The following IQSEC1 variants were observed in gnomAD, a reference collection of about 807,000 sequenced individuals.
IQSEC1 encodes IQ motif and SEC7 domain-containing protein 1.
A neutral mutation model predicts 91.0 loss-of-function variants in IQSEC1; 31 were observed. The ratio of observed to expected loss-of-function variants is 0.34; its 90% CI spans 0.26 to 0.46. The LOEUF is 0.46. IQSEC1 is among the 20% of genes least tolerant of loss of function. The pLI, the probability that IQSEC1 is intolerant of heterozygous loss-of-function variation, is 1.00. For synonymous variants in IQSEC1, 699 were observed against 662.6 expected (o/e 1.05, Z -0.84); for missense variants, 1,388 against 1,575.6 (o/e 0.88, Z 2.02).
In IQSEC1 at chr3:12,908,349, C is replaced by T. The variant is rs1195637536; in HGVS notation, c.2755G>A (p.Gly919Arg). 2.5e-6 allele frequency: 4 copies of T among 1,611,218 alleles called. No individual in the cohort carries two copies. Among genetic ancestry groups the T allele is most frequent in the South Asian group, 1.1e-5 (1 of 90,982 alleles). The part of the protein sequence containing the change: ...SSSLRDLSEA[G>R]KRGRRSSAGS... The stretch of plus-strand genomic sequence containing the variant: ...AGGTGGTTCTAGGCCAAGCTCTTAC[C>T]GGCTTCCGAGAGGTCCCGCAGGGAG... The change falls in exon 12 of 14, where the codon GGG (glycine) becomes AGG (arginine). Residue 919 changes from glycine (G) to arginine (R), a missense_variant and splice_region_variant. Transcript: ENST00000613206. This position sits in a 1 kb window ranked among gnomAD's most constrained non-coding sequence, Gnocchi z 4.9.
At chr3:12,910,711 C>T (rs1695479071) in intron 10 of IQSEC1, among the ~76,000 whole-genome samples, 1 of 152,212 alleles carries the variant, frequency 6.6e-6, no homozygotes, top group South Asian at 2.1e-4. Context: ...GGACAGAGAG[C>T]CCCAGATCCA....
At position 12,900,465 on chromosome 3, in the gene IQSEC1, AT is replaced by A. The variant is rs1026969251; in HGVS notation, c.*517del. Reference sequence around the variant, plus strand: ...CTACCTATACAGTATATATATATATATATTTATATATTTATATATTTATATA... The same window carrying A: ...CTACCTATACAGTATATATATATATAATTTATATATTTATATATTTATATA... On this transcript the variant is annotated 3_prime_UTR_variant, in exon 14 of 14. Transcript: ENST00000613206. The A allele has an allele frequency of 2.5e-4, 163 of 657,480 alleles. 1 individual carries two copies. In the African/African-American group the frequency reaches 3.2e-3, roughly 13 times the overall value. 40.7% of individuals were successfully genotyped at this position (657,480 alleles called of 1,614,324 possible). A position where few individuals can be genotyped will look rare whatever the true frequency, so the allele number is the denominator to read the frequency against.
intron 1 of IQSEC1, among the ~76,000 whole-genome samples, chr3:13,051,393 G>C (rs986193569): frequency 4.6e-5 from 7 of 152,150 alleles, no homozygotes; most frequent in African/African-American, 1.4e-4. Flanking sequence ...CAAAGTTCAA[G>C]AGCAGGAAAA....
At position 13,063,074 on chromosome 3, in the gene IQSEC1, A is replaced by G. The variant is rs114179039; in HGVS notation, c.23+9918T>C. Reference sequence around the variant, plus strand: ...CTGATATCCCAAGCTCATGCTCAGGAAATGGGATGCACAGGGGAGGGAGAG... The same window carrying G: ...CTGATATCCCAAGCTCATGCTCAGGGAATGGGATGCACAGGGGAGGGAGAG... On this transcript the variant is annotated intron_variant, in intron 1 of 13. Transcript: ENST00000613206. 5.9e-3 allele frequency among the ~76,000 whole-genome samples: 892 copies of G among 152,266 alleles called. 14 individuals carry two copies. Among genetic ancestry groups the G allele is most frequent in the African/African-American group, 0.02 (829 of 41,558 alleles).
intron 1 of IQSEC1, among the ~76,000 whole-genome samples, chr3:12,974,693 C>T (rs1194571289): frequency 6.6e-6 from 1 of 152,274 alleles, no homozygotes; most frequent in East Asian, 1.9e-4. Flanking sequence ...CCCCCCAACA[C>T]ACTGCTATCA....
intron 1 of IQSEC1, among the ~76,000 whole-genome samples, chr3:12,963,337 A>G (rs1299267270): frequency 6.6e-6 from 1 of 152,278 alleles, no homozygotes; most frequent in Non-Finnish European, 1.5e-5. Flanking sequence ...CCTATGAACA[A>G]GGCAAAAAAG....
At position 13,071,151 on chromosome 3, in the gene IQSEC1, T is replaced by G. The variant is rs1347480738; in HGVS notation, c.23+1841A>C. Among the ~76,000 whole-genome samples the G allele has an allele frequency of 4.1e-5, 3 of 72,646 alleles. No individual in the cohort carries two copies. The East Asian group carries it at 2.0e-3, about 48-fold the overall frequency. The allele number at this position is 72,646 out of a possible 152,430, so 47.7% of individuals were successfully genotyped here. ...GGGGTGGGACCCACACAGTTTTTTT[T>G]TGTTTTTTTTTTTTTGTTTGTTTCT... is the stretch of plus-strand genomic sequence containing the variant. On this transcript the variant is annotated intron_variant, in intron 1 of 13. Coordinates refer to ENST00000613206, the MANE Select transcript of IQSEC1 (RefSeq NM_001134382.3).
chr3:13,030,538 C>G (rs770954547), intron 1 of IQSEC1, among the ~76,000 whole-genome samples: 3 of 152,212 alleles, frequency 2.0e-5, no homozygotes, highest in Non-Finnish European at 2.9e-5. Context: ...TTAACAGGAA[C>G]TACAGGTGAC....
At chr3:13,025,566 C>T (rs1030537992) in intron 1 of IQSEC1, among the ~76,000 whole-genome samples, 12 of 152,306 alleles carry the variant, frequency 7.9e-5, no homozygotes, top group South Asian at 6.2e-4. Flanking sequence ...TCTGTCTGGC[C>T]TCTAGGCCTT....
chr3:13,223,744 A>G (rs1694703189), intron 1 of IQSEC1, among the ~76,000 whole-genome samples: 1 of 152,200 alleles, frequency 6.6e-6, no homozygotes, highest in Admixed American at 6.5e-5. Context: ...GGAAGAGGAA[A>G]AGCTGATTCA....
chr3:12,903,545 T>C (rs911405696), intron 12 of IQSEC1, among the ~76,000 whole-genome samples: 1 of 152,168 alleles, frequency 6.6e-6, no homozygotes, highest in Non-Finnish European at 1.5e-5. Flanking sequence ...GCCAGCATCT[T>C]CGTCACGCCC....
intron 1 of IQSEC1, among the ~76,000 whole-genome samples, chr3:13,246,036 T>C (rs1482938113): frequency 6.6e-6 from 1 of 152,182 alleles, no homozygotes; most frequent in East Asian, 1.9e-4. Context: ...GGTGATGTGA[T>C]GATTACTTTA....
At chr3:12,977,276 A>G (rs1484441490) in intron 1 of IQSEC1, among the ~76,000 whole-genome samples, 1 of 151,770 alleles carries the variant, frequency 6.6e-6, no homozygotes, top group Non-Finnish European at 1.5e-5. Context: ...TGAGCCCAAG[A>G]GTTCAAGGCT....
intron 1 of IQSEC1, among the ~76,000 whole-genome samples, chr3:12,959,453 C>T (rs1205558657): frequency 6.6e-6 from 1 of 152,202 alleles, no homozygotes; most frequent in Non-Finnish European, 1.5e-5. Flanking sequence ...AGCGAGTTCT[C>T]CTACCCTGAC....
In IQSEC1 at chr3:13,282,985, C is replaced by A. The variant is rs1377341230; in HGVS notation, c.-3G>T. Among the ~76,000 whole-genome samples, 1 of 145,930 alleles carries A rather than the reference C, an allele frequency of 6.9e-6. No homozygotes were observed. The highest frequency in any genetic ancestry group is 2.5e-5 in the African/African-American group (1 of 40,730). ...GGGGGCTCGGCGGCGCTGGCCATGG[C>A]CCCCCGCCCGGAGGCCGGCCGCGCC... On this transcript the variant is annotated 5_prime_UTR_variant, in exon 1 of 16. Transcript: ENST00000648114. The surrounding 1 kb of genome is among the most constrained non-coding windows in gnomAD (Gnocchi z 6.4).
At chr3:13,165,010 C>T (rs769805657) in intron 1 of IQSEC1, among the ~76,000 whole-genome samples, 7 of 152,184 alleles carry the variant, frequency 4.6e-5, no homozygotes, top group Non-Finnish European at 7.3e-5. Flanking sequence ...ACATGCTGCA[C>T]GACCCTTCAG....
At chr3:12,988,898 C>T (rs542068430) in intron 1 of IQSEC1, among the ~76,000 whole-genome samples, 11 of 152,288 alleles carry the variant, frequency 7.2e-5, no homozygotes, top group African/African-American at 2.2e-4. Flanking sequence ...CAGCAGCATC[C>T]GAGCTAGAAG....
intron 2 of IQSEC1, among the ~76,000 whole-genome samples, chr3:13,088,521 G>A (rs544976953): frequency 1.3e-4 from 19 of 150,720 alleles, no homozygotes; most frequent in African/African-American, 2.2e-4. Flanking sequence ...CGCCCTCCCC[G>A]CTCCTCTGAA....
intron 1 of IQSEC1, among the ~76,000 whole-genome samples, chr3:13,001,888 A>C (rs1702437721): frequency 6.6e-6 from 1 of 152,074 alleles, no homozygotes; most frequent in African/African-American, 2.4e-5. Flanking sequence ...GTGAAAACCC[A>C]TCTCTACTAA....
Sources: gnomAD v4.1 joint callset for allele counts (sites outside exome capture counted in the v4.1 genomes callset) on GRCh38, gnomAD v4.1.1 for gene constraint, Gnocchi (gnomAD v3.1) non-coding constraint, MANE v1.5 for transcripts, NCBI Gene and HGNC (gene_info 2026-07-23, HGNC 2026-07-21) for gene names.